Variants in HTR1F observed in about 807,000 individuals in gnomAD.
The protein encoded by HTR1F is 5-hydroxytryptamine receptor 1F.
A neutral mutation model predicts 24.0 loss-of-function variants in HTR1F; 17 were observed. The observed-to-expected ratio is 0.71, with a 90% CI of 0.48 to 1.06. HTR1F has a LOEUF of 1.06. Ranked by LOEUF, HTR1F falls within the 50% of genes least tolerant of loss-of-function variation. The pLI is 0.00. For missense variants in HTR1F, 391 were observed against 427.8 expected (o/e 0.91, Z 0.76); for synonymous variants, 186 against 156.8 (o/e 1.19, Z -1.39).
intron 2 of HTR1F, among the ~76,000 whole-genome samples, chr3:87,846,981 A>G (rs1704959501): frequency 6.6e-6 from 1 of 151,776 alleles, no homozygotes; most frequent in Admixed American, 6.6e-5. Flanking sequence ...ATTTTTGTAG[A>G]TAAATATATT....
intron 2 of HTR1F, among the ~76,000 whole-genome samples, chr3:87,903,835 T>C (rs1047280664): frequency 4.9e-4 from 75 of 152,330 alleles, no homozygotes; most frequent in African/African-American, 1.7e-3. Flanking sequence ...CATATGTTTA[T>C]TGCGGCACTA....
At chr3:87,829,474 G>A (rs1704530219) in intron 2 of HTR1F, among the ~76,000 whole-genome samples, 2 of 152,204 alleles carry the variant, frequency 1.3e-5, no homozygotes, top group African/African-American at 4.8e-5. Flanking sequence ...TGGCAGAAGA[G>A]AAAGTCTCCC....
rs181586663 is a variant in HTR1F at position 87,801,562 on chromosome 3, T to C, written c.-160+8720T>C. Reference sequence around the variant, plus strand: ...AGTACGTTGATCTGGTCTGGAAAGGTGGGGCATCTTGAAGCAAGGGCAGGA... The same window carrying C: ...AGTACGTTGATCTGGTCTGGAAAGGCGGGGCATCTTGAAGCAAGGGCAGGA... On this transcript the variant is annotated intron_variant, in intron 1 of 2. Coordinates refer to ENST00000319595, the MANE Select transcript of HTR1F (RefSeq NM_001322209.2). 1.5e-4 allele frequency among the ~76,000 whole-genome samples: 23 copies of C among 152,224 alleles called. 2 individuals carry two copies. The East Asian group carries it at 4.1e-3, about 27-fold the overall frequency.
chr3:87,858,143 T>C (rs779631866), intron 2 of HTR1F, among the ~76,000 whole-genome samples: 1 of 152,188 alleles, frequency 6.6e-6, no homozygotes, highest in East Asian at 1.9e-4. Context: ...TCTTAAGTGA[T>C]TTGTTGTAGA....
chr3:87,958,541 C>T (rs1275306210), intron 2 of HTR1F, among the ~76,000 whole-genome samples: 1 of 151,570 alleles, frequency 6.6e-6, no homozygotes, highest in Non-Finnish European at 1.5e-5. Flanking sequence ...TAAACAAACA[C>T]TCTTTGTTTA....
chr3:87,942,554 T>C (rs1205398308), intron 2 of HTR1F, among the ~76,000 whole-genome samples: 1 of 152,180 alleles, frequency 6.6e-6, no homozygotes, highest in East Asian at 1.9e-4. Flanking sequence ...GGCCTTCCAG[T>C]GACTCCCTTG....
intron 2 of HTR1F, among the ~76,000 whole-genome samples, chr3:87,930,358 T>G (rs1320167735): frequency 6.6e-6 from 1 of 152,196 alleles, no homozygotes; most frequent in Non-Finnish European, 1.5e-5. Flanking sequence ...CCTTGTCTTG[T>G]GCTGGTTTTC....
intron 2 of HTR1F, among the ~76,000 whole-genome samples, chr3:87,894,772 G>A (rs1318512864): frequency 6.6e-6 from 1 of 151,748 alleles, no homozygotes; most frequent in Non-Finnish European, 1.5e-5. Flanking sequence ...TGTAAAATGG[G>A]GATAAAATAA....
In HTR1F at chr3:87,954,427, C is replaced by T. The variant is rs180906943; in HGVS notation, c.-42-36281C>T. On this transcript the variant is annotated intron_variant, in intron 2 of 2. Transcript: ENST00000319595. ...AGCCACTGCTTCTGCAATAAATATA[C>T]GTAGCCACAATTGTGTATTTGATTT... 9.2e-4 allele frequency among the ~76,000 whole-genome samples: 139 copies of T among 151,764 alleles called. 2 individuals carry two copies. Among genetic ancestry groups the T allele is most frequent in the African/African-American group, 3.2e-3 (131 of 41,520 alleles).
chr3:87,939,756 T>C (rs75461941), intron 2 of HTR1F, among the ~76,000 whole-genome samples: 1 of 152,256 alleles, frequency 6.6e-6, no homozygotes, highest in Non-Finnish European at 1.5e-5. Flanking sequence ...TTCTCTCTTT[T>C]CTTCTTGATT....
chr3:87,946,994 A>C (rs1469979510), intron 2 of HTR1F, among the ~76,000 whole-genome samples: 2 of 152,194 alleles, frequency 1.3e-5, no homozygotes, highest in African/African-American at 4.8e-5. Context: ...TCCTCTGAAG[A>C]GTTAATTTTA....
intron 2 of HTR1F, among the ~76,000 whole-genome samples, chr3:87,883,064 T>A (rs1244814940): frequency 6.6e-6 from 1 of 151,976 alleles, no homozygotes; most frequent in African/African-American, 2.4e-5. Flanking sequence ...GGACACCTCA[T>A]ACAGGTGGGT....
chr3:87,934,255 C>T (rs974254464), intron 2 of HTR1F, among the ~76,000 whole-genome samples: 8 of 152,190 alleles, frequency 5.3e-5, no homozygotes, highest in Non-Finnish European at 8.8e-5. Flanking sequence ...TAAGGGTTAA[C>T]ACATGCTAAG....
chr3:87,843,501 CT>C (rs1457317187), intron 2 of HTR1F, among the ~76,000 whole-genome samples: 1 of 146,296 alleles, frequency 6.8e-6, no homozygotes, highest in Non-Finnish European at 1.5e-5. Context: ...ACCATCCTGA[CT>C]TTCTTTTTCT....
At chr3:87,941,617 T>C (rs1704570864) in intron 2 of HTR1F, among the ~76,000 whole-genome samples, 2 of 152,194 alleles carry the variant, frequency 1.3e-5, no homozygotes, top group South Asian at 2.1e-4. Flanking sequence ...AGATGGAGGC[T>C]ATCCCTGACC....
chr3:87,905,215 CAGG>C (rs911814188), intron 2 of HTR1F, among the ~76,000 whole-genome samples: 15 of 151,866 alleles, frequency 9.9e-5, no homozygotes, highest in African/African-American at 3.1e-4. Context: ...GAAGCTGAAG[CAGG>C]AGGATTTCTT....
At chr3:87,809,401 T>A (rs1367541822) in intron 1 of HTR1F, among the ~76,000 whole-genome samples, 1 of 152,012 alleles carries the variant, frequency 6.6e-6, no homozygotes, top group African/African-American at 2.4e-5. Flanking sequence ...CAAACAGGAA[T>A]ATTTGGAGTT....
At chr3:87,984,206 T>G (rs562707937) in intron 2 of HTR1F, among the ~76,000 whole-genome samples, 1 of 152,354 alleles carries the variant, frequency 6.6e-6, no homozygotes, top group South Asian at 2.1e-4. Context: ...TGCAAAGGCT[T>G]TCCCTGTTTA....
Position 87,991,625 on chromosome 3 carries a change from C to T in HTR1F, c.876C>T (p.Ala292=). 3 of 1,613,834 alleles carry T rather than the reference C, an allele frequency of 1.9e-6. No individual in the cohort carries two copies. The highest frequency in any genetic ancestry group is 2.5e-6 in the Non-Finnish European group (3 of 1,179,908). Residue 292 remains alanine, a synonymous_variant, in exon 3 of 3, where the codon GCC becomes GCT. Coordinates refer to ENST00000319595, the MANE Select transcript of HTR1F (RefSeq NM_001322209.2). The stretch of plus-strand genomic sequence containing the variant: ...CAGGTACAAGAGAACGGAAAGCAGC[C>T]ACTACCCTGGGATTAATCTTGGGTG... ...KISGTRERKA[A]TTLGLILGAF...
Sources: allele counts gnomAD v4.1 joint callset (sites outside exome capture counted in the v4.1 genomes callset), GRCh38; gene constraint gnomAD v4.1.1; transcripts MANE v1.5; gene names NCBI Gene and HGNC (gene_info 2026-07-23, HGNC 2026-07-21).